The following TAFA2 variants were observed in gnomAD, a reference collection of about 807,000 sequenced individuals.
The protein encoded by TAFA2 is chemokine-like protein TAFA-2.
In TAFA2, 7 loss-of-function variants were observed where a neutral mutation model predicts 18.8. That is an observed-to-expected ratio of 0.37 (90% CI 0.21 to 0.70). The LOEUF is 0.70. Among genes scored for constraint, TAFA2 ranks in the 30% least tolerant of loss-of-function variants. TAFA2 has a pLI of 0.53. For synonymous variants in TAFA2, 60 were observed against 54.2 expected, an observed-to-expected ratio of 1.11 and a Z score of -0.47; for missense variants, 122 against 158.1, an observed-to-expected ratio of 0.77 and a Z score of 1.23.
At chr12:62,236,190 G>A (rs2136986940) in intron 1 of TAFA2, among the ~76,000 whole-genome samples, 1 of 151,892 alleles carries the variant, frequency 6.6e-6, no homozygotes, top group African/African-American at 2.4e-5. Flanking sequence ...CATAATTACA[G>A]TACTAGAATA....
intron 2 of TAFA2, among the ~76,000 whole-genome samples, chr12:61,825,102 G>T (rs1192459590): frequency 1.3e-5 from 2 of 152,110 alleles, no homozygotes; most frequent in African/African-American, 4.8e-5. Context: ...TTAAAGGTAA[G>T]AATGATGGGC....
chr12:62,133,710 A>T (rs1870780943), intron 1 of TAFA2, among the ~76,000 whole-genome samples: 1 of 152,070 alleles, frequency 6.6e-6, no homozygotes, highest in African/African-American at 2.4e-5. Flanking sequence ...AAGGCAAGGA[A>T]CTTGAATACC....
intron 1 of TAFA2, among the ~76,000 whole-genome samples, chr12:62,013,950 A>T (rs1230851916): frequency 6.6e-6 from 1 of 152,202 alleles, no homozygotes; most frequent in Non-Finnish European, 1.5e-5. Flanking sequence ...CAGAAGAGAA[A>T]TTAACTATCT....
At chr12:62,020,541 TG>T (rs1434363735) in intron 1 of TAFA2, among the ~76,000 whole-genome samples, 1 of 152,190 alleles carries the variant, frequency 6.6e-6, no homozygotes, top group East Asian at 1.9e-4. Flanking sequence ...GTCAATGAGT[TG>T]CAGCACAGAT....
At chr12:62,125,547 C>T (rs1474100703) in intron 1 of TAFA2, among the ~76,000 whole-genome samples, 2 of 152,086 alleles carry the variant, frequency 1.3e-5, no homozygotes, top group African/African-American at 2.4e-5. Flanking sequence ...AAATGCTAAA[C>T]GGTTCAGTTT....
chr12:61,856,522 C>T (rs1386732036), intron 2 of TAFA2, among the ~76,000 whole-genome samples: 1 of 151,956 alleles, frequency 6.6e-6, no homozygotes, highest in African/African-American at 2.4e-5. Context: ...CACTCATTCT[C>T]TGCTAATGAG....
chr12:62,091,730 C>A (rs188648534), intron 1 of TAFA2, among the ~76,000 whole-genome samples: 1 of 151,898 alleles, frequency 6.6e-6, no homozygotes, highest in African/African-American at 2.4e-5. Context: ...CCCAGACCCA[C>A]GATAGTCATT....
intron 1 of TAFA2, among the ~76,000 whole-genome samples, chr12:61,897,401 A>C (rs1875894831): frequency 6.6e-6 from 1 of 152,210 alleles, no homozygotes; most frequent in Admixed American, 6.5e-5. Context: ...ACACTGCTAT[A>C]AAGAACTGCC....
chr12:62,126,799 A>C (rs534920167), intron 1 of TAFA2, among the ~76,000 whole-genome samples: 27 of 152,256 alleles, frequency 1.8e-4, no homozygotes, highest in Non-Finnish European at 3.8e-4. Context: ...GTATAAACTT[A>C]CTTCATAATA....
At chr12:61,733,450 T>C (rs933590230) in intron 4 of TAFA2, among the ~76,000 whole-genome samples, 3 of 152,044 alleles carry the variant, frequency 2.0e-5, no homozygotes, top group Admixed American at 2.0e-4. Flanking sequence ...AATTTTTGTA[T>C]AAGATGTAAG....
chr12:61,888,590 A>G (rs1875491912), intron 1 of TAFA2, among the ~76,000 whole-genome samples: 1 of 152,252 alleles, frequency 6.6e-6, no homozygotes, highest in South Asian at 2.1e-4. Context: ...AAGCTTTAAA[A>G]GCATGTACTC....
At chr12:62,066,091 A>G (rs1429577652) in intron 1 of TAFA2, among the ~76,000 whole-genome samples, 1 of 150,074 alleles carries the variant, frequency 6.7e-6, no homozygotes, top group Non-Finnish European at 1.5e-5. Flanking sequence ...CATTCAAATA[A>G]AAGGCTGGAT....
intron 2 of TAFA2, among the ~76,000 whole-genome samples, chr12:61,778,258 C>G (rs1482199446): frequency 4.6e-5 from 7 of 151,806 alleles, no homozygotes; most frequent in African/African-American, 1.2e-4. Flanking sequence ...CTGTCTTGTA[C>G]TATCTCTCGA....
At chr12:62,023,063 G>A (rs1196535111) in intron 1 of TAFA2, among the ~76,000 whole-genome samples, 1 of 152,216 alleles carries the variant, frequency 6.6e-6, no homozygotes, top group Non-Finnish European at 1.5e-5. Flanking sequence ...GAAAAAGACA[G>A]TGAGAGACAA....
At chr12:61,822,985 A>G (rs370107338) in intron 2 of TAFA2, among the ~76,000 whole-genome samples, 1 of 152,260 alleles carries the variant, frequency 6.6e-6, no homozygotes, top group East Asian at 1.9e-4. Flanking sequence ...CATTCATTCC[A>G]TATGCATTCT....
At chr12:62,020,351 A>T (rs1182603888) in intron 1 of TAFA2, among the ~76,000 whole-genome samples, 1 of 152,222 alleles carries the variant, frequency 6.6e-6, no homozygotes, top group East Asian at 1.9e-4. Context: ...CTACTGGGAA[A>T]AAATGGCGAC....
At chr12:61,737,083 G>A (rs1398568825) in intron 4 of TAFA2, among the ~76,000 whole-genome samples, 2 of 151,864 alleles carry the variant, frequency 1.3e-5, no homozygotes, top group African/African-American at 2.4e-5. Flanking sequence ...ACATTAAAGT[G>A]ATGGCACACA....
intron 1 of TAFA2, among the ~76,000 whole-genome samples, chr12:61,919,829 G>C (rs1206357479): frequency 6.6e-6 from 1 of 152,070 alleles, no homozygotes; most frequent in Non-Finnish European, 1.5e-5. Context: ...GAAGGAAGTA[G>C]AAAATGGTGC....
intron 1 of TAFA2, among the ~76,000 whole-genome samples, chr12:62,244,382 G>A (rs541178342): frequency 4.1e-4 from 62 of 151,562 alleles, no homozygotes; most frequent in Non-Finnish European, 7.9e-4. Flanking sequence ...ACTGCATCAA[G>A]GCTTTTCCCA....
Sources: allele counts gnomAD v4.1 joint callset (sites outside exome capture counted in the v4.1 genomes callset), GRCh38; gene constraint gnomAD v4.1.1; transcripts MANE v1.5; gene names NCBI Gene and HGNC (gene_info 2026-07-23, HGNC 2026-07-21).